Variants in CDH2 observed in about 807,000 individuals in gnomAD.
The protein encoded by CDH2 is cadherin 2.
Under a neutral mutation model 92.0 loss-of-function variants are expected in CDH2, and 17 were observed. The observed-to-expected ratio is 0.18, with a 90% confidence interval of 0.13 to 0.28. The LOEUF is 0.28. CDH2 is among the 10% of genes least tolerant of loss of function. The pLI, the probability that CDH2 is intolerant of heterozygous loss-of-function variation, is 1.00. For synonymous variants in CDH2, 419 were observed against 415.9 expected, an observed-to-expected ratio of 1.01 and a Z score of -0.09; for missense variants, 862 against 1,133.1, an observed-to-expected ratio of 0.76 and a Z score of 3.44.
intron 2 of CDH2, among the ~76,000 whole-genome samples, chr18:28,062,908 G>C (rs2014431154): frequency 6.6e-6 from 1 of 152,116 alleles, no homozygotes; most frequent in African/African-American, 2.4e-5. Flanking sequence ...GGGAGGAGGA[G>C]GTTGCAGAGA....
intron 1 of CDH2, among the ~76,000 whole-genome samples, chr18:28,166,389 A>G (rs1003733136): frequency 6.6e-6 from 1 of 151,898 alleles, no homozygotes; most frequent in African/African-American, 2.4e-5. Context: ...CTTCATCAAG[A>G]AGGCCTCAAA....
At chr18:27,960,653 AC>A (rs1297046357) in intron 15 of CDH2, among the ~76,000 whole-genome samples, 1 of 152,214 alleles carries the variant, frequency 6.6e-6, no homozygotes, top group Non-Finnish European at 1.5e-5. Flanking sequence ...TCTATATATT[AC>A]TTGCACAGTT....
At chr18:28,021,568 A>G (rs1297526686) in intron 2 of CDH2, among the ~76,000 whole-genome samples, 1 of 152,026 alleles carries the variant, frequency 6.6e-6, no homozygotes, top group East Asian at 1.9e-4. Flanking sequence ...CTGTGTGAAC[A>G]TGATGAACAT....
chr18:27,968,964 G>A (rs1598996619), intron 14 of CDH2, among the ~76,000 whole-genome samples: 3 of 152,228 alleles, frequency 2.0e-5, no homozygotes, highest in South Asian at 4.2e-4. Context: ...TAAAATAATT[G>A]AATAAAATAG....
chr18:28,171,934 ATCAG>A (rs1342032477), intron 1 of CDH2, among the ~76,000 whole-genome samples: 1 of 152,178 alleles, frequency 6.6e-6, no homozygotes, highest in East Asian at 1.9e-4. Flanking sequence ...ACTTACACAG[ATCAG>A]TTATTATACT....
intron 1 of CDH2, among the ~76,000 whole-genome samples, chr18:28,155,849 TAAG>T (rs1394935574): frequency 6.6e-6 from 1 of 152,184 alleles, no homozygotes; most frequent in African/African-American, 2.4e-5. Context: ...GAGGCTATGT[TAAG>T]AAGACTATTC....
At chr18:28,007,165 A>AAAATATATATATATATAT (rs1172779200) in intron 5 of CDH2, among the ~76,000 whole-genome samples, 7 of 110,456 alleles carry the variant, frequency 6.3e-5, no homozygotes, top group South Asian at 3.0e-4. Context: ...ATAAAAAAAA[A>AAAATATATATATATATAT]ATATATATAT....
In CDH2 at chr18:28,004,180, G is replaced by A. The variant is rs1354614359; in HGVS notation, c.848-1011C>T. On this transcript the variant is annotated intron_variant, in intron 6 of 15. Transcript: ENST00000269141. Reference sequence around the variant, plus strand: ...ACCTTCAGTGTGTACTTCCTTGTTTGCATGTTTTTTATTTCTCTCCCCTAC... The same window carrying A: ...ACCTTCAGTGTGTACTTCCTTGTTTACATGTTTTTTATTTCTCTCCCCTAC... Among the ~76,000 whole-genome samples the A allele has an allele frequency of 1.3e-5, 2 of 152,056 alleles. 1 individual carries two copies. Among genetic ancestry groups the A allele is most frequent in the Non-Finnish European group, 2.9e-5 (2 of 68,000 alleles).
At chr18:27,937,253 T>C (rs1262299894) in intron 6 of CDH2, among the ~76,000 whole-genome samples, 1 of 152,190 alleles carries the variant, frequency 6.6e-6, no homozygotes, top group Non-Finnish European at 1.5e-5. Context: ...TTTATTATAA[T>C]TAAAATAAAG....
chr18:28,103,106 T>C (rs1336769301), intron 2 of CDH2, among the ~76,000 whole-genome samples: 1 of 149,234 alleles, frequency 6.7e-6, no homozygotes, highest in Non-Finnish European at 1.5e-5. Flanking sequence ...TGAAGTAATG[T>C]AAATAAAACA....
At chr18:28,026,449 G>C (rs1204430165) in intron 2 of CDH2, among the ~76,000 whole-genome samples, 1 of 152,114 alleles carries the variant, frequency 6.6e-6, no homozygotes, top group African/African-American at 2.4e-5. Context: ...TGGGGAGTAG[G>C]TATAATTATA....
chr18:27,992,768 G>T lies in CDH2; in HGVS notation c.1231C>A (p.Pro411Thr). Residue 411 changes from proline to threonine, a missense_variant, in exon 9 of 16, where the codon CCC becomes ACC. This residue lies in a region of CDH2 where 564 missense variants were observed against 722.2 expected (regional missense o/e 0.78). Coordinates refer to ENST00000269141, the MANE Select transcript of CDH2 (RefSeq NM_001792.5). The part of the protein sequence containing the change: ...ANLTVTDKDQ[P>T]HTPAWNAVYR... ...ACTGCGTTCCAGGCTGGTGTATGGGGTTGATCCTTATCGGTCACAGTTAGA... is the reference window on the plus strand; with the variant it reads ...ACTGCGTTCCAGGCTGGTGTATGGGTTTGATCCTTATCGGTCACAGTTAGA... The T allele has an allele frequency of 1.2e-6, 2 of 1,613,980 alleles. No individual in the cohort carries two copies. Among genetic ancestry groups the T allele is most frequent in the Non-Finnish European group, 1.7e-6 (2 of 1,179,856 alleles).
At position 27,998,951 on chromosome 18, in the gene CDH2, T is replaced by C. The variant is rs561845762; in HGVS notation, c.1020+4046A>G. Among the ~76,000 whole-genome samples the C allele has an allele frequency of 4.6e-5, 7 of 152,288 alleles. No individual in the cohort carries two copies. The South Asian group carries it at 1.2e-3, about 27-fold the overall frequency. On this transcript the variant is annotated intron_variant, in intron 7 of 15. Transcript: ENST00000269141. ...AACTTAAACATTTCTTTACAATTCA[T>C]GTTCAGGGTAATGAGACAAGGAATA...
chr18:27,946,078 A>G (rs971350212), downstream of CDH2, among the ~76,000 whole-genome samples: 1 of 152,202 alleles, frequency 6.6e-6, no homozygotes, highest in African/African-American at 2.4e-5. Flanking sequence ...AGGACTGGTA[A>G]AAGTTACAAT....
intron 7 of CDH2, among the ~76,000 whole-genome samples, chr18:27,996,382 T>G (rs1025515037): frequency 6.6e-6 from 1 of 152,094 alleles, no homozygotes; most frequent in African/African-American, 2.4e-5. Flanking sequence ...CTAAACAGCC[T>G]ATGATGCACA....
chr18:28,062,237 A>C (rs1412471893), intron 2 of CDH2, among the ~76,000 whole-genome samples: 3 of 152,212 alleles, frequency 2.0e-5, no homozygotes, highest in Non-Finnish European at 4.4e-5. Context: ...AAAAATTGAA[A>C]AGTGGCTAAA....
chr18:28,151,670 C>A (rs1157884770), intron 1 of CDH2, among the ~76,000 whole-genome samples: 3 of 152,122 alleles, frequency 2.0e-5, no homozygotes, highest in African/African-American at 7.2e-5. Context: ...CTCTGCCAGG[C>A]CTAGGATGAA....
At chr18:28,047,803 A>C (rs989373803) in intron 2 of CDH2, among the ~76,000 whole-genome samples, 2 of 139,628 alleles carry the variant, frequency 1.4e-5, no homozygotes, top group Non-Finnish European at 3.0e-5. Flanking sequence ...CGGAAGGCGG[A>C]GCTTGCAGTG....
At chr18:27,952,500 T>G (rs1909510867) in intron 15 of CDH2, 141 bp from the exon 16 acceptor site, 1 of 665,872 alleles carries the variant, frequency 1.5e-6, no homozygotes. Flanking sequence ...TTTCAACACA[T>G]GGAAAAGGGA....
Sources: allele counts gnomAD v4.1 joint callset (sites outside exome capture counted in the v4.1 genomes callset), GRCh38; gene constraint gnomAD v4.1.1; regional missense constraint gnomAD v4.1.1; transcripts MANE v1.5; gene names NCBI Gene and HGNC (gene_info 2026-07-23, HGNC 2026-07-21).